Variants in BMAL2 observed in about 807,000 individuals in gnomAD.
The protein encoded by BMAL2 is basic helix-loop-helix ARNT like 2.
chr12:27,368,218 TTAATGTTTAAAA>T, the BMAL2 span: 1 of 1,603,434 alleles, frequency 6.2e-7, no homozygotes, highest in Non-Finnish European at 8.5e-7. Flanking sequence ...AAAGTAAAAG[TTAATGTTTAAAA>T]TAAATGTCTT....
the BMAL2 span, among the ~76,000 whole-genome samples, chr12:27,348,804 A>G: frequency 6.6e-6 from 1 of 152,172 alleles, no homozygotes; most frequent in Non-Finnish European, 1.5e-5. Flanking sequence ...TTAAGCTAGG[A>G]ATAAGAACAC....
the BMAL2 span, among the ~76,000 whole-genome samples, chr12:27,402,371 A>G: frequency 6.6e-6 from 1 of 152,072 alleles, no homozygotes; most frequent in East Asian, 1.9e-4. Flanking sequence ...CCTACTTATT[A>G]TTAGTACAGG....
At chr12:27,348,967 G>A in the BMAL2 span, among the ~76,000 whole-genome samples, 2 of 152,210 alleles carry the variant, frequency 1.3e-5, no homozygotes, top group Non-Finnish European at 2.9e-5. Flanking sequence ...AGATTTTGAC[G>A]TTGGGGAACA....
chr12:27,374,667 G>C, the BMAL2 span, among the ~76,000 whole-genome samples: 1 of 152,212 alleles, frequency 6.6e-6, no homozygotes, highest in Non-Finnish European at 1.5e-5. Context: ...CAGAGAGGCT[G>C]TTTAATTTTA....
the BMAL2 span, among the ~76,000 whole-genome samples, chr12:27,398,450 A>G: frequency 6.6e-6 from 1 of 152,228 alleles, no homozygotes. Context: ...AAAGCTAAAG[A>G]ATTATTGAGA....
chr12:27,363,843 T>G, the BMAL2 span, among the ~76,000 whole-genome samples: 5 of 152,220 alleles, frequency 3.3e-5, no homozygotes, highest in Non-Finnish European at 5.9e-5. Context: ...TCCTTTATTG[T>G]TTTTACATTT....
chr12:27,405,721 A>C, the BMAL2 span, among the ~76,000 whole-genome samples: 3 of 152,250 alleles, frequency 2.0e-5, no homozygotes, highest in African/African-American at 7.2e-5. Context: ...GCAGCTCCTT[A>C]CCAGCAATGG....
chr12:27,381,398 C>T, the BMAL2 span, among the ~76,000 whole-genome samples: 1 of 152,184 alleles, frequency 6.6e-6, no homozygotes, highest in African/African-American at 2.4e-5. Context: ...ATGGTGGCTT[C>T]TGCTTCTGGG....
At chr12:27,409,456 C>T in the BMAL2 span, among the ~76,000 whole-genome samples, 1 of 152,212 alleles carries the variant, frequency 6.6e-6, no homozygotes, top group Non-Finnish European at 1.5e-5. Flanking sequence ...CTACAACCAT[C>T]TGATCTTTGA....
At chr12:27,416,814 T>C in the BMAL2 span, among the ~76,000 whole-genome samples, 1 of 151,914 alleles carries the variant, frequency 6.6e-6, no homozygotes, top group Admixed American at 6.6e-5. Context: ...TTTAAAATAC[T>C]AGCCAGGCAT....
the BMAL2 span, chr12:27,377,428 C>T: frequency 6.6e-6 from 1 of 152,270 alleles, no homozygotes; most frequent in East Asian, 1.9e-4. Context: ...ACCCTGCTCT[C>T]ATCTCTCTCC....
At chr12:27,338,549 CAGA>C in the BMAL2 span, among the ~76,000 whole-genome samples, 3 of 151,726 alleles carry the variant, frequency 2.0e-5, no homozygotes, top group Non-Finnish European at 4.4e-5. Flanking sequence ...GTGACATGCA[CAGA>C]AGAATTGATG....
chr12:27,391,857 C>T, the BMAL2 span, among the ~76,000 whole-genome samples: 1 of 152,156 alleles, frequency 6.6e-6, no homozygotes. Context: ...CTGTTGCTTC[C>T]CTCTTGCCCA....
chr12:27,387,265 G>A, the BMAL2 span: 3 of 1,612,614 alleles, frequency 1.9e-6, no homozygotes, highest in Admixed American at 5.0e-5. Flanking sequence ...GGATGTGAAA[G>A]AGGAAAAATT....
the BMAL2 span, among the ~76,000 whole-genome samples, chr12:27,391,841 G>A: frequency 7.8e-3 from 1,192 of 152,260 alleles, 26 homozygotes; most frequent in African/African-American, 0.027. Flanking sequence ...TCTGTTTGAG[G>A]GCCATCTGTT....
the BMAL2 span, chr12:27,415,943 G>A: frequency 2.5e-6 from 4 of 1,577,508 alleles, no homozygotes; most frequent in Non-Finnish European, 3.5e-6. Flanking sequence ...GTAAACTGCA[G>A]GAGTGTAAGT....
chr12:27,370,069 C>T, the BMAL2 span: 1 of 1,250,324 alleles, frequency 8.0e-7, no homozygotes. Flanking sequence ...TGAGGACAGG[C>T]TTGCTGTCCA....
chr12:27,359,655 A>G, the BMAL2 span, among the ~76,000 whole-genome samples: 1 of 149,906 alleles, frequency 6.7e-6, no homozygotes, highest in East Asian at 2.0e-4. Flanking sequence ...GCACTCCAGT[A>G]TGGGCAACAA....
chr12:27,411,091 A>G, the BMAL2 span, among the ~76,000 whole-genome samples: 1 of 152,106 alleles, frequency 6.6e-6, no homozygotes, highest in Non-Finnish European at 1.5e-5. Context: ...ATATCTCTAT[A>G]TCTTAAACAT....
Sources: allele counts gnomAD v4.1 joint callset (sites outside exome capture counted in the v4.1 genomes callset), GRCh38; gene constraint gnomAD v4.1.1; transcripts MANE v1.5; gene names NCBI Gene and HGNC (gene_info 2026-07-23, HGNC 2026-07-21).